Variants in PLCB3 observed in about 807,000 individuals in gnomAD.
The protein encoded by PLCB3 is 1-phosphatidylinositol 4,5-bisphosphate phosphodiesterase beta-3.
PLCB3 carries 54 observed loss-of-function variants against 152.1 expected under a neutral mutation model. The observed-to-expected ratio is 0.36, with a 90% confidence interval of 0.29 to 0.45. PLCB3 has a LOEUF of 0.45. PLCB3 is among the 20% of genes least tolerant of loss of function. The probability of loss-of-function intolerance (pLI) is 1.00; values close to 1 mark genes in which losing one functional copy is unlikely to be tolerated. For missense variants in PLCB3, 1,248 were observed against 1,687.5 expected, an observed-to-expected ratio of 0.74 and a Z score of 4.56; for synonymous variants, 717 against 698.7, an observed-to-expected ratio of 1.03 and a Z score of -0.41.
At position 64,262,556 on chromosome 11, in the gene PLCB3, G is replaced by A; in HGVS notation, c.2188G>A (p.Val730Ile). ...TGGCATCGTGGCCAATGCCTTGCGG[G>A]TCAAGGTGGGGCTTGCGGGCGGCTC... ...VDGIVANALR[V>I]KVISGQFLSD... Residue 730 changes from valine to isoleucine, a missense_variant, in exon 18 of 31, where the codon GTC becomes ATC. By Grantham distance (29) the Val-to-Ile change is conservative (BLOSUM62 3). This residue lies in a region of PLCB3 where 244 missense variants were observed against 424.4 expected (regional missense o/e 0.57). Transcript: ENST00000279230. 3.7e-6 allele frequency: 6 copies of A among 1,613,492 alleles called. No homozygotes were observed. Among genetic ancestry groups the A allele is most frequent in the Non-Finnish European group, 5.1e-6 (6 of 1,179,634 alleles).
intron 18 of PLCB3, 30 bp downstream of exon 18, chr11:64,262,591 G>T (rs746619989): frequency 3.1e-6 from 5 of 1,612,452 alleles, no homozygotes; most frequent in Non-Finnish European, 4.2e-6. Flanking sequence ...CAGGCCAGGG[G>T]TGTCCTGGGG....
At position 64,258,747 on chromosome 11, in the gene PLCB3, C is replaced by T. The variant is rs2244621; in HGVS notation, c.1253+34C>T. The T allele has an allele frequency of 0.17, 274,422 of 1,610,146 alleles. 27,950 individuals are homozygous for T. The highest frequency in any genetic ancestry group is 0.52 in the East Asian group (23,291 of 44,776). On this transcript the variant is annotated intron_variant, in intron 11 of 30. Coordinates refer to ENST00000279230, the MANE Select transcript of PLCB3 (RefSeq NM_000932.5). This position sits in a 1 kb window ranked among gnomAD's most constrained non-coding sequence, Gnocchi z 7.2. The stretch of plus-strand genomic sequence containing the variant: ...GCCCCTGGCATGAAACCCCATGGAC[C>T]GGGGGACAGTCTTCCAGCTTCAGTG...
At position 64,255,643 on chromosome 11, in the gene PLCB3, G is replaced by GT; in HGVS notation, c.597+28dup. On this transcript the variant is annotated intron_variant, in intron 7 of 30. Transcript: ENST00000279230. This position sits in a 1 kb window ranked among gnomAD's most constrained non-coding sequence, Gnocchi z 6.8. ...TGTGTGGGGTGGGGACAGGGGCGGG[G>GT]TGGGGTGTCACGGTGGGCACCCACC... 1.3e-6 allele frequency: 2 copies of GT among 1,584,776 alleles called. No homozygotes were observed. Among genetic ancestry groups the GT allele is most frequent in the Non-Finnish European group, 1.7e-6 (2 of 1,155,094 alleles).
Position 64,266,166 on chromosome 11 carries a change from C to A in PLCB3, c.3230C>A (p.Thr1077Lys). The A allele has an allele frequency of 6.2e-7, 1 of 1,614,102 alleles. No homozygotes were observed. The highest frequency in any genetic ancestry group is 2.2e-5 in the East Asian group (1 of 44,874). ...AGGGAGGTCGTCCTTGATGCAAACA[C>A]AACTCAGTTCAAGAGGCTGAAAGAG... is the stretch of plus-strand genomic sequence containing the variant. ...RLREVVLDAN[T>K]TQFKRLKEMN... Residue 1077 changes from threonine (T) to lysine (K), a missense_variant, in exon 27 of 31, where the codon ACA becomes AAA. Thr to Lys is a moderately conservative substitution (Grantham distance 78). Around this residue, in one of 6 missense-constraint regions of PLCB3, gnomAD observed 477 missense variants for 489.6 expected, o/e 0.97. Coordinates refer to ENST00000279230, the MANE Select transcript of PLCB3 (RefSeq NM_000932.5). This position sits in a 1 kb window ranked among gnomAD's most constrained non-coding sequence, Gnocchi z 4.9.
chr11:64,263,383 G>A lies in PLCB3; in HGVS notation c.2356-115G>A, dbSNP rs927095128. On this transcript the variant is annotated intron_variant, in intron 19 of 30. Coordinates refer to ENST00000279230, the MANE Select transcript of PLCB3 (RefSeq NM_000932.5). ...GGCAATGGTGACTGATGGTCAGTAG[G>A]TCAGCTCGTCTGAAGGTCTGCTTTG... The A allele has an allele frequency of 1.2e-5, 8 of 654,732 alleles. No homozygotes were observed. In the African/African-American group the frequency reaches 1.4e-4, roughly 12 times the overall value. 40.6% of individuals were successfully genotyped at this position (654,732 alleles called of 1,614,324 possible).
intron 21 of PLCB3, 54 bp from the exon 22 acceptor site, chr11:64,263,967 G>A: frequency 1.4e-6 from 2 of 1,385,492 alleles, no homozygotes; most frequent in South Asian, 1.3e-5. Flanking sequence ...GGTGGCGGGT[G>A]GGGGTGGCCT....
intron 10 of PLCB3, 87 bp downstream of exon 10, chr11:64,256,851 C>A: frequency 6.9e-7 from 1 of 1,438,866 alleles, no homozygotes; most frequent in Non-Finnish European, 9.5e-7. Flanking sequence ...GTCCTTTTGG[C>A]CCATTTGCTC....
chr11:64,266,062 G>A lies in PLCB3; in HGVS notation c.3189+23G>A, dbSNP rs781441726. 1.2e-6 allele frequency: 2 copies of A among 1,613,886 alleles called. No individual in the cohort carries two copies. ...CAGGTAGGGGGCCTGCAGTGGCCAG[G>A]GAAAGCCTGCTGGATAGACCCGTCG... On this transcript the variant is annotated intron_variant, in intron 26 of 30. Transcript: ENST00000279230. The surrounding 1 kb of genome is among the most constrained non-coding windows in gnomAD (Gnocchi z 4.9).
Position 64,260,067 on chromosome 11 carries a change from G to T in PLCB3, c.1564G>T (p.Gly522Trp). The change falls in exon 14 of 31, where the codon GGG becomes TGG. Residue 522 changes from glycine (G) to tryptophan (W), a missense_variant. Physicochemically the swap from Gly to Trp is radical, Grantham distance 184. Coordinates refer to ENST00000279230, the MANE Select transcript of PLCB3 (RefSeq NM_000932.5). ...TGACAGCTGCCCAGGCCTGAGCAAT[G>T]GGGAGGAGGTAGGGCTTGAGAAGCC... ...SSDSCPGLSN[G>W]EEVGLEKPSL... 1 of 1,612,134 alleles carries T rather than the reference G, an allele frequency of 6.2e-7. No individual in the cohort carries two copies. The highest frequency in any genetic ancestry group is 1.1e-5 in the South Asian group (1 of 90,830).
rs947971788 is a variant in PLCB3, at chr11:64,266,353, G to A, written c.3305G>A (p.Arg1102His). 1 of 1,613,262 alleles carries A rather than the reference G, an allele frequency of 6.2e-7. No homozygotes were observed. The highest frequency in any genetic ancestry group is 8.5e-7 in the Non-Finnish European group (1 of 1,179,712). Residue 1102 changes from arginine to histidine, a missense_variant, in exon 28 of 31, where the codon CGC becomes CAC. By Grantham distance (29) the Arg-to-His change is conservative. This residue lies in a region of PLCB3 where 477 missense variants were observed against 489.6 expected (regional missense o/e 0.97). Transcript: ENST00000279230. This position sits in a 1 kb window ranked among gnomAD's most constrained non-coding sequence, Gnocchi z 4.9. Reference protein sequence around the residue: ...KELQKILDRKRHNSISEAKMR... With the variant: ...KELQKILDRKHHNSISEAKMR... ...CTGCAGAAGATCCTGGACAGAAAGC[G>A]CCATAACAGCATCTCGGAGGCCAAG...
chr11:64,256,447 C>G lies in PLCB3; in HGVS notation c.770C>G (p.Pro257Arg). The G allele has an allele frequency of 6.2e-7, 1 of 1,613,792 alleles. No homozygotes were observed. The highest frequency in any genetic ancestry group is 8.5e-7 in the Non-Finnish European group (1 of 1,180,020). Residue 257 changes from proline (P) to arginine (R), a missense_variant, in exon 9 of 31, where the codon CCG becomes CGG. Physicochemically the swap from Pro to Arg is moderately radical, Grantham distance 103. Around this residue, in one of 6 missense-constraint regions of PLCB3, gnomAD observed 299 missense variants for 434.7 expected, o/e 0.69. Coordinates refer to ENST00000279230, the MANE Select transcript of PLCB3 (RefSeq NM_000932.5). ...MDFINQKQRD[P>R]RLNEVLYPPL... Reference sequence around the variant, plus strand: ...TTCATCAACCAGAAGCAACGCGACCCGAGACTCAACGAAGTGCTGTACCCG... The same window carrying G: ...TTCATCAACCAGAAGCAACGCGACCGGAGACTCAACGAAGTGCTGTACCCG...
rs758028143 is a variant in PLCB3 at position 64,255,086 on chromosome 11, T to A, written c.387+48T>A. ...AAGGGGGAGTCACTGTCTTATTCTG[T>A]GAGTCGGCCGTCACTTACCGAACAC... On this transcript the variant is annotated intron_variant, in intron 4 of 30. Coordinates refer to ENST00000279230, the MANE Select transcript of PLCB3 (RefSeq NM_000932.5). This position sits in a 1 kb window ranked among gnomAD's most constrained non-coding sequence, Gnocchi z 6.8. The A allele has an allele frequency of 1.3e-6, 2 of 1,577,742 alleles. No homozygotes were observed. The highest frequency in any genetic ancestry group is 1.7e-6 in the Non-Finnish European group (2 of 1,155,832).
At chr11:64,260,586 T>C (rs532944365) in intron 14 of PLCB3, among the ~76,000 whole-genome samples, 6 of 151,766 alleles carry the variant, frequency 4.0e-5, no homozygotes, top group African/African-American at 1.2e-4. Flanking sequence ...ATGGGGAGCA[T>C]TGAGTAGCTG....
intron 1 of PLCB3, 46 bp from the exon 2 acceptor site, chr11:64,254,369 C>A (rs1239995385): frequency 6.6e-7 from 1 of 1,504,658 alleles, no homozygotes; most frequent in Non-Finnish European, 9.3e-7. Context: ...CAGGCCTGCA[C>A]CACAGCCCTC....
chr11:64,267,116 C>G lies in PLCB3; in HGVS notation c.3415-69C>G. On this transcript the variant is annotated intron_variant, in intron 29 of 30. Transcript: ENST00000279230. The surrounding 1 kb of genome is among the most constrained non-coding windows in gnomAD (Gnocchi z 5.2). Reference sequence around the variant, plus strand: ...GCCTCGCCCACCTGACTTCTATACCCAGCCAGAGCCTCGAGGCTCTAGCCC... The same window carrying G: ...GCCTCGCCCACCTGACTTCTATACCGAGCCAGAGCCTCGAGGCTCTAGCCC... 1 of 1,413,592 alleles carries G rather than the reference C, an allele frequency of 7.1e-7. No individual in the cohort carries two copies. The highest frequency in any genetic ancestry group is 2.5e-5 in the East Asian group (1 of 40,192). 87.6% of individuals were successfully genotyped at this position (1,413,592 alleles called of 1,614,324 possible).
chr11:64,262,380 C>T, intron 17 of PLCB3, 27 bp from the exon 18 acceptor site: 1 of 1,607,408 alleles, frequency 6.2e-7, no homozygotes. Flanking sequence ...ATCCCTGCCC[C>T]TGCTCGACGT....
At position 64,262,201 on chromosome 11, in the gene PLCB3, A is replaced by G. The variant is rs1332738482; in HGVS notation, c.2038+125A>G. The G allele has an allele frequency of 5.7e-6, 8 of 1,414,180 alleles. No homozygotes were observed. The East Asian group carries it at 1.2e-4, about 20-fold the overall frequency. The allele number at this position is 1,414,180 out of a possible 1,614,324, so 87.6% of individuals were successfully genotyped here. ...CTCATCCCAGATCCCAGGGGAACCC[A>G]GCTCCCGACTCACCCCGCCTCCTGC... is the stretch of plus-strand genomic sequence containing the variant. On this transcript the variant is annotated intron_variant, in intron 17 of 30. Coordinates refer to ENST00000279230, the MANE Select transcript of PLCB3 (RefSeq NM_000932.5).
intron 22 of PLCB3, 89 bp downstream of exon 22, chr11:64,264,201 T>G: frequency 1.1e-6 from 1 of 887,320 alleles, no homozygotes; most frequent in East Asian, 2.6e-5. Flanking sequence ...AGGGGGCTTC[T>G]GGTCTCTCTA....
At chr11:64,260,745 C>T (rs1396767738) in intron 14 of PLCB3, among the ~76,000 whole-genome samples, 1 of 108,798 alleles carries the variant, frequency 9.2e-6, no homozygotes, top group Non-Finnish European at 1.7e-5. Flanking sequence ...TGCACTCCAA[C>T]GTGGGCTAAA....
Sources: gnomAD v4.1 joint callset for allele counts (sites outside exome capture counted in the v4.1 genomes callset) on GRCh38, gnomAD v4.1.1 for gene constraint, gnomAD v4.1.1 regional missense constraint, Gnocchi (gnomAD v3.1) non-coding constraint, MANE v1.5 for transcripts, NCBI Gene and HGNC (gene_info 2026-07-23, HGNC 2026-07-21) for gene names.